Variants in ULK2 observed in about 807,000 individuals in gnomAD.
ULK2 encodes unc-51 like autophagy activating kinase 2.
Under a neutral mutation model 127.5 loss-of-function variants are expected in ULK2, and 76 were observed. The observed-to-expected ratio is 0.60, with a 90% confidence interval of 0.50 to 0.72. The LOEUF (loss-of-function observed/expected upper bound fraction) is 0.72. ULK2 is among the 30% of genes least tolerant of loss of function. ULK2 has a pLI of 0.00. For missense variants in ULK2, 1,144 were observed against 1,295.9 expected (o/e 0.88, Z 1.80); for synonymous variants, 452 against 461.9 (o/e 0.98, Z 0.28).
At chr17:19,801,630 G>T in intron 16 of ULK2, 147 bp downstream of exon 16, 2 of 963,696 alleles carry the variant, frequency 2.1e-6, no homozygotes, top group Non-Finnish European at 3.1e-6. Flanking sequence ...AGTTGGGATT[G>T]GGGTAAAGAT....
At position 19,771,979 on chromosome 17, in the gene ULK2, ACT is replaced by A. The variant is rs1024050198; in HGVS notation, c.*4368_*4369del. ...GGAGTGCAGACCTAAAGAGAGCCAC[ACT>A]CTGTGAAAAGTGGAAAAACCTACAG... is the stretch of plus-strand genomic sequence containing the variant. On this transcript the variant is annotated 3_prime_UTR_variant, in exon 27 of 27. Transcript: ENST00000395544. The A allele has an allele frequency of 1.3e-5, 2 of 152,258 alleles. No individual in the cohort carries two copies. Among genetic ancestry groups the A allele is most frequent in the African/African-American group, 4.8e-5 (2 of 41,430 alleles). 9.4% of individuals were successfully genotyped at this position (152,258 alleles called of 1,614,324 possible).
At chr17:19,859,565 A>C (rs905841730) in intron 3 of ULK2, among the ~76,000 whole-genome samples, 1 of 152,188 alleles carries the variant, frequency 6.6e-6, no homozygotes, top group African/African-American at 2.4e-5. Context: ...CACTTCAAGG[A>C]ATTTATTCTA....
At chr17:19,785,213 C>T (rs1444718372) in intron 21 of ULK2, among the ~76,000 whole-genome samples, 1 of 151,892 alleles carries the variant, frequency 6.6e-6, no homozygotes, top group Non-Finnish European at 1.5e-5. Flanking sequence ...ATAAATAAAA[C>T]AAGTTTCTTT....
intron 7 of ULK2, among the ~76,000 whole-genome samples, chr17:19,844,550 T>C (rs918115858): frequency 2.0e-5 from 3 of 151,956 alleles, no homozygotes; most frequent in Non-Finnish European, 4.4e-5. Flanking sequence ...TACAAAGTAA[T>C]TTTAAAATTT....
intron 20 of ULK2, among the ~76,000 whole-genome samples, chr17:19,792,638 A>C (rs1597721284): frequency 6.6e-6 from 1 of 151,998 alleles, no homozygotes; most frequent in Non-Finnish European, 1.5e-5. Context: ...TCCACCAAAA[A>C]CCCGGCCAGT....
chr17:19,837,271 C>G lies in ULK2; in HGVS notation c.787+1230G>C, dbSNP rs117775293. Among the ~76,000 whole-genome samples, 722 of 151,832 alleles carry G rather than the reference C, an allele frequency of 4.8e-3. 24 individuals carry two copies. In the East Asian group the frequency reaches 0.088, roughly 19 times the overall value. On this transcript the variant is annotated intron_variant, in intron 10 of 26. Transcript: ENST00000395544. ...TGTCTCTACAAAAAAAATACAAAAA[C>G]TAGCCAGAGGTGGTGTTGTACACCT...
Position 19,810,205 on chromosome 17 carries a change from G to C in ULK2, c.1157+173C>G, listed in dbSNP as rs1158965692. Among the ~76,000 whole-genome samples the C allele has an allele frequency of 4.2e-5, 6 of 142,724 alleles. No individual in the cohort carries two copies. The Admixed American group carries it at 4.3e-4, about 10-fold the overall frequency. 93.6% of individuals were successfully genotyped at this position (142,724 alleles called of 152,430 possible). On this transcript the variant is annotated intron_variant, in intron 14 of 26. Transcript: ENST00000395544. ...AGATCACACCATTGCAATCTAGTCT[G>C]GGTGACAGAGCCAGACTCCATCTCA...
intron 7 of ULK2, 57 bp from the exon 8 acceptor site, chr17:19,843,279 AC>A (rs1280381428): frequency 2.7e-6 from 3 of 1,102,882 alleles, no homozygotes; most frequent in Non-Finnish European, 3.9e-6. Context: ...ATTAATATGC[AC>A]ATATTAATTA....
chr17:19,838,852 C>A (rs888056310), intron 9 of ULK2, among the ~76,000 whole-genome samples: 1 of 151,428 alleles, frequency 6.6e-6, no homozygotes, highest in Non-Finnish European at 1.5e-5. Context: ...ACGGTGAAAC[C>A]CCATCTCTAC....
intron 17 of ULK2, 88 bp downstream of exon 17, chr17:19,799,407 T>A: frequency 8.7e-7 from 1 of 1,153,710 alleles, no homozygotes; most frequent in South Asian, 2.0e-5. Context: ...TCATATCAAT[T>A]CTGTTCTTTG....
chr17:19,797,490 C>G lies in ULK2; in HGVS notation c.1715G>C (p.Gly572Ala). The G allele has an allele frequency of 6.2e-7, 1 of 1,613,932 alleles. No homozygotes were observed. The highest frequency in any genetic ancestry group is 1.3e-5 in the African/African-American group (1 of 74,990). Residue 572 changes from glycine to alanine, a missense_variant, in exon 18 of 27, where the codon GGA (glycine) becomes GCA (alanine). Around this residue, in one of 2 missense-constraint regions of ULK2, gnomAD observed 913 missense variants for 970.5 expected, o/e 0.94. Coordinates refer to ENST00000395544, the MANE Select transcript of ULK2 (RefSeq NM_014683.4). ...SPQPSRPGSL[G>A]TSPTKHLGSS... is the part of the protein sequence containing the mutation. The stretch of plus-strand genomic sequence containing the variant: ...CCCCAAGTGCTTGGTGGGAGAAGTT[C>G]CAAGGCTGCCAGGCCGACTGGGCTG...
intron 14 of ULK2, 121 bp downstream of exon 14, chr17:19,810,257 A>G: frequency 4.9e-6 from 2 of 406,278 alleles, no homozygotes; most frequent in Middle Eastern, 6.7e-4. Context: ...AAAAAAAAAA[A>G]CCAGAAATAA....
rs757724998 is a variant in ULK2, at chr17:19,804,861, A to G, written c.1158-31T>C. ...ATCGTAATTTATTGAAAAAGGAAAGAAACAGTGGTAGGATTGTTTTTCTTT... is the reference window on the plus strand; with the variant it reads ...ATCGTAATTTATTGAAAAAGGAAAGGAACAGTGGTAGGATTGTTTTTCTTT... On this transcript the variant is annotated intron_variant, in intron 14 of 26. Coordinates refer to ENST00000395544, the MANE Select transcript of ULK2 (RefSeq NM_014683.4). 6.0e-5 allele frequency: 96 copies of G among 1,605,518 alleles called. No individual in the cohort carries two copies. The East Asian group carries it at 2.0e-3, about 34-fold the overall frequency.
At chr17:19,854,144 G>A (rs2042075515) in intron 3 of ULK2, among the ~76,000 whole-genome samples, 1 of 151,916 alleles carries the variant, frequency 6.6e-6, no homozygotes, top group Non-Finnish European at 1.5e-5. Context: ...TGGGTGTGGT[G>A]GTGCATGCCT....
In ULK2 at chr17:19,785,919, A is replaced by G. The variant is rs181934399; in HGVS notation, c.2251+18T>C. The G allele has an allele frequency of 1.0e-5, 16 of 1,594,370 alleles. No homozygotes were observed. The African/African-American group carries it at 1.6e-4, about 16-fold the overall frequency. The stretch of plus-strand genomic sequence containing the variant: ...CCAAATACTAGCCAAAGACTGTAAT[A>G]TAACAAATGCTCCTTACCTGAGGTT... On this transcript the variant is annotated intron_variant, in intron 21 of 26. Transcript: ENST00000395544.
rs774158173 is a variant in ULK2, at chr17:19,804,704, A to C, written c.1284T>G (p.His428Gln). Reference sequence around the variant, plus strand: ...AGCTACTAACTTACCTTGGAGAACCATGTACATTTGTGCCTGAGCTGGCAG... The same window carrying C: ...AGCTACTAACTTACCTTGGAGAACCCTGTACATTTGTGCCTGAGCTGGCAG... ...TSTASSGTNV[H>Q]GSPRSAVVRR... The change falls in exon 15 of 27, where the codon CAT (histidine) becomes CAG (glutamine). Residue 428 changes from histidine to glutamine, a missense_variant. By Grantham distance (24) the His-to-Gln change is conservative. Transcript: ENST00000395544. 5.6e-6 allele frequency: 9 copies of C among 1,606,698 alleles called. No homozygotes were observed. In the South Asian group the frequency reaches 1.0e-4, roughly 18 times the overall value.
At chr17:19,829,554 G>GGGGGA (rs1265325434) in intron 10 of ULK2, among the ~76,000 whole-genome samples, 1 of 138,698 alleles carries the variant, frequency 7.2e-6, no homozygotes, top group Non-Finnish European at 1.6e-5. Flanking sequence ...AAAAAGGGGG[G>GGGGGA]GGGCTGGGCA....
intron 20 of ULK2, among the ~76,000 whole-genome samples, chr17:19,788,385 T>G (rs1205259767): frequency 2.0e-5 from 3 of 151,718 alleles, no homozygotes; most frequent in South Asian, 4.2e-4. Flanking sequence ...TCAGCCACAG[T>G]AGGACGAGCC....
chr17:19,781,874 C>T lies in ULK2; in HGVS notation c.2639+15G>A, dbSNP rs758647212. ...GCATGAAAAGTCTGGAAATGAATGA[C>T]AAGGGGGCACCCACCCCCAGTCTTT... is the stretch of plus-strand genomic sequence containing the variant. On this transcript the variant is annotated intron_variant, in intron 23 of 26. Transcript: ENST00000395544. 3 of 1,608,996 alleles carry T rather than the reference C, an allele frequency of 1.9e-6. No individual in the cohort carries two copies. The highest frequency in any genetic ancestry group is 2.2e-5 in the South Asian group (2 of 90,286).
Sources: allele counts gnomAD v4.1 joint callset (sites outside exome capture counted in the v4.1 genomes callset), GRCh38; gene constraint gnomAD v4.1.1; regional missense constraint gnomAD v4.1.1; transcripts MANE v1.5; gene names NCBI Gene and HGNC (gene_info 2026-07-23, HGNC 2026-07-21).